The following SGCB variants were observed in gnomAD, a reference collection of about 807,000 sequenced individuals.
SGCB encodes sarcoglycan beta.
A neutral mutation model predicts 27.3 loss-of-function variants in SGCB; 25 were observed. That is an observed-to-expected ratio of 0.92 (90% CI 0.67 to 1.28). The LOEUF (loss-of-function observed/expected upper bound fraction) is 1.28, where lower values mean the gene tolerates loss of function less well. SGCB is among the 50% of genes most tolerant of loss of function. The pLI is 0.00. For synonymous variants in SGCB, 147 were observed against 133.5 expected, an observed-to-expected ratio of 1.10 and a Z score of -0.70; for missense variants, 436 against 402.1, an observed-to-expected ratio of 1.08 and a Z score of -0.72.
In SGCB at chr4:52,028,824, T is replaced by G; in HGVS notation, c.527A>C (p.Gln176Pro). 1 of 1,613,748 alleles carries G rather than the reference T, an allele frequency of 6.2e-7. No individual in the cohort carries two copies. The highest frequency in any genetic ancestry group is 8.5e-7 in the Non-Finnish European group (1 of 1,179,656). ...IGMQFFDPRTQNILFSTDYET... is the reference protein window; with the variant it reads ...IGMQFFDPRTPNILFSTDYET... Reference sequence around the variant, plus strand: ...ATAGTCTGTGCTGAATAAGATATTTTGAGTCCTCGGGTCAAAAAACTGCAT... The same window carrying G: ...ATAGTCTGTGCTGAATAAGATATTTGGAGTCCTCGGGTCAAAAAACTGCAT... The change falls in exon 4 of 6, where the codon CAA (glutamine) becomes CCA (proline). Residue 176 changes from glutamine (Q) to proline (P), a missense_variant. Gln to Pro is a moderately conservative substitution (Grantham distance 76). Coordinates refer to ENST00000381431, the MANE Select transcript of SGCB (RefSeq NM_000232.5).
chr4:52,031,953 G>C (rs572149973), intron 2 of SGCB: 137 of 455,962 alleles, frequency 3.0e-4, no homozygotes, highest in Non-Finnish European at 5.1e-4. Flanking sequence ...TTGCCTGGCT[G>C]CCAGGGAGCT....
Position 52,038,240 on chromosome 4 carries a change from GCCGCCGCCGCTGCCGCCATCTTC to G in SGCB, c.-4_19del. ...GTACTCACAGACCTGTTCTGCAGCCGCCGCCGCCGCTGCCGCCATCTTCCCGCGCCCGCCGCCGCCGAGCTCCC... is the reference window on the plus strand; with the variant it reads ...GTACTCACAGACCTGTTCTGCAGCCGCCGCGCCCGCCGCCGCCGAGCTCCC... On this transcript the variant is annotated start_lost and 5_prime_UTR_variant, in exon 1 of 6. Transcript: ENST00000381431. The G allele has an allele frequency of 7.8e-7, 1 of 1,288,066 alleles. No homozygotes were observed. The highest frequency in any genetic ancestry group is 9.9e-7 in the Non-Finnish European group (1 of 1,013,982). The allele number at this position is 1,288,066 out of a possible 1,614,324, so 79.8% of individuals were successfully genotyped here.
At chr4:52,028,234 A>C in intron 4 of SGCB, 135 bp from the exon 5 acceptor site, 1 of 689,134 alleles carries the variant, frequency 1.5e-6, no homozygotes, top group Non-Finnish European at 2.5e-6. Flanking sequence ...AGAGATGTGG[A>C]AATTGAGATA....
At chr4:52,029,972 T>TA (rs2109372226) in intron 2 of SGCB, 109 bp from the exon 3 acceptor site, 1 of 811,474 alleles carries the variant, frequency 1.2e-6, no homozygotes, top group Non-Finnish European at 2.1e-6. Context: ...TAAAATGTTT[T>TA]ATCAGTGAGG....
intron 5 of SGCB, among the ~76,000 whole-genome samples, chr4:52,027,520 C>T (rs1397004698): frequency 1.3e-5 from 2 of 149,314 alleles, no homozygotes; most frequent in African/African-American, 4.9e-5. Flanking sequence ...TGTGAAAAAT[C>T]TTTAATTAAA....
intron 1 of SGCB, 41 bp from the exon 2 acceptor site, chr4:52,033,681 T>C: frequency 6.8e-7 from 1 of 1,478,428 alleles, no homozygotes; most frequent in Non-Finnish European, 9.5e-7. Context: ...CTATACCCTC[T>C]CGTTTTGGTG....
At chr4:52,034,311 G>A (rs916210726) in intron 1 of SGCB, among the ~76,000 whole-genome samples, 1 of 55,192 alleles carries the variant, frequency 1.8e-5, no homozygotes. Flanking sequence ...CAGCCTGGGC[G>A]ACAGAGCGAG....
At position 52,021,705 on chromosome 4, in the gene SGCB, T is replaced by G. The variant is rs1032079190; in HGVS notation, c.*2252A>C. 1 of 152,074 alleles carries G rather than the reference T, an allele frequency of 6.6e-6. No individual in the cohort carries two copies. The allele number at this position is 152,074 out of a possible 1,614,324, so 9.4% of individuals were successfully genotyped here. The stretch of plus-strand genomic sequence containing the variant: ...AATTAAAAATTAGAAAAGCCATAAG[T>G]AAAATGGAGAGTTTGCCCTGTTCTG... On this transcript the variant is annotated 3_prime_UTR_variant, in exon 6 of 6. Transcript: ENST00000381431.
intron 1 of SGCB, among the ~76,000 whole-genome samples, chr4:52,034,246 G>T (rs149306081): frequency 0.02 from 1,428 of 69,760 alleles, 198 homozygotes; most frequent in Admixed American, 0.033. Context: ...GCAGGAGAAT[G>T]GCGTGAACCC....
In SGCB at chr4:52,022,584, A is replaced by T. The variant is rs751764844; in HGVS notation, c.*1373T>A. ...GAGATAAATTATTATCCTTACCTAA[A>T]AATTATGTGTATTATTTCCTGCATT... is the stretch of plus-strand genomic sequence containing the variant. On this transcript the variant is annotated 3_prime_UTR_variant, in exon 6 of 6. Coordinates refer to ENST00000381431, the MANE Select transcript of SGCB (RefSeq NM_000232.5). 1 of 152,226 alleles carries T rather than the reference A, an allele frequency of 6.6e-6. No individual in the cohort carries two copies. The highest frequency in any genetic ancestry group is 1.5e-5 in the Non-Finnish European group (1 of 68,040). 9.4% of individuals were successfully genotyped at this position (152,226 alleles called of 1,614,324 possible).
chr4:52,036,143 A>G (rs953250027), intron 1 of SGCB, among the ~76,000 whole-genome samples: 3 of 152,238 alleles, frequency 2.0e-5, no homozygotes, highest in Non-Finnish European at 4.4e-5. Flanking sequence ...AGAGGAATGC[A>G]TCTCCACCTA....
In SGCB at chr4:52,029,798, A is replaced by T. The variant is rs1254559703; in HGVS notation, c.309T>A (p.His103Gln). ...GCTTAAATCGAAGCAGGCCACTTTCATGAAACTCCATACTATCACAGCCAT... is the reference window on the plus strand; with the variant it reads ...GCTTAAATCGAAGCAGGCCACTTTCTTGAAACTCCATACTATCACAGCCAT... ...GPNGCDSMEF[H>Q]ESGLLRFKQV... The change falls in exon 3 of 6, where the codon CAT (histidine) becomes CAA (glutamine). Residue 103 changes from histidine to glutamine, a missense_variant. His to Gln is a conservative substitution (Grantham distance 24). Coordinates refer to ENST00000381431, the MANE Select transcript of SGCB (RefSeq NM_000232.5). The T allele has an allele frequency of 9.3e-6, 15 of 1,613,648 alleles. No homozygotes were observed. Among genetic ancestry groups the T allele is most frequent in the African/African-American group, 1.3e-5 (1 of 74,906 alleles).
chr4:52,029,444 A>G (rs1015601982), intron 3 of SGCB, among the ~76,000 whole-genome samples: 18 of 152,202 alleles, frequency 1.2e-4, no homozygotes, highest in African/African-American at 4.3e-4. Flanking sequence ...CTCAAATATT[A>G]AGAAATCATC....
At chr4:52,026,250 GTTTTTTTTTTTTTT>G (rs71193050) in intron 5 of SGCB, among the ~76,000 whole-genome samples, 1 of 101,646 alleles carries the variant, frequency 9.8e-6, no homozygotes, top group African/African-American at 3.6e-5. Flanking sequence ...TTTGTTGTTG[GTTTTTTTTTTTTTT>G]TTTTTTTTTT....
intron 5 of SGCB, among the ~76,000 whole-genome samples, chr4:52,026,097 T>C (rs1009789483): frequency 2.0e-5 from 3 of 151,870 alleles, no homozygotes; most frequent in Admixed American, 1.3e-4. Context: ...AGAGAGAAAA[T>C]TGGTTATAAA....
Position 52,022,677 on chromosome 4 carries a change from G to T in SGCB, c.*1280C>A, listed in dbSNP as rs1301020359. On this transcript the variant is annotated 3_prime_UTR_variant, in exon 6 of 6. Coordinates refer to ENST00000381431, the MANE Select transcript of SGCB (RefSeq NM_000232.5). ...TGGTGTACTTACTAGGCCATGCCTG[G>T]CCCAAAGAACTTGTTTGGGTCTATG... The T allele has an allele frequency of 6.6e-6, 1 of 152,132 alleles. No homozygotes were observed. The highest frequency in any genetic ancestry group is 2.1e-4 in the South Asian group (1 of 4,824). 9.4% of individuals were successfully genotyped at this position (152,132 alleles called of 1,614,324 possible).
intron 5 of SGCB, among the ~76,000 whole-genome samples, chr4:52,024,638 C>A (rs1327617254): frequency 1.3e-5 from 2 of 151,908 alleles, no homozygotes; most frequent in African/African-American, 2.4e-5. Context: ...ACCATCCTGG[C>A]TAACACGGTG....
At chr4:52,036,289 G>C (rs1204976904) in intron 1 of SGCB, among the ~76,000 whole-genome samples, 2 of 152,192 alleles carry the variant, frequency 1.3e-5, no homozygotes, top group African/African-American at 4.8e-5. Context: ...GAGACTTTGA[G>C]AGGCAACCAT....
At chr4:52,037,781 AAAAAC>A (rs1176446992) in intron 1 of SGCB, among the ~76,000 whole-genome samples, 3 of 152,238 alleles carry the variant, frequency 2.0e-5, no homozygotes, top group African/African-American at 7.2e-5. Context: ...GGCAGAAACA[AAAAAC>A]AAAGATGGCA....
Sources: gnomAD v4.1 joint callset for allele counts (sites outside exome capture counted in the v4.1 genomes callset) on GRCh38, gnomAD v4.1.1 for gene constraint, MANE v1.5 for transcripts, NCBI Gene and HGNC (gene_info 2026-07-23, HGNC 2026-07-21) for gene names.